Variants in FOXK1 observed in about 807,000 individuals in gnomAD.
The protein encoded by FOXK1 is forkhead box K1, also known as forkhead box protein K1.
In FOXK1, 19 loss-of-function variants were observed where a neutral mutation model predicts 51.9. The ratio of observed to expected loss-of-function variants is 0.37; its 90% CI spans 0.26 to 0.54. The LOEUF (loss-of-function observed/expected upper bound fraction) is 0.54. Ranked by LOEUF, FOXK1 falls within the 20% of genes least tolerant of loss-of-function variation. The pLI is 0.87. For missense variants in FOXK1, 870 were observed against 1,032.7 expected, an observed-to-expected ratio of 0.84 and a Z score of 2.16; for synonymous variants, 537 against 482.6, an observed-to-expected ratio of 1.11 and a Z score of -1.48.
At position 4,757,151 on chromosome 7, in the gene FOXK1, C is replaced by T; in HGVS notation, c.1208C>T (p.Ser403Phe). The change falls in exon 5 of 9, where the codon TCC (serine) becomes TTC (phenylalanine). Residue 403 changes from serine (S) to phenylalanine (F), a missense_variant. Coordinates refer to ENST00000328914, the MANE Select transcript of FOXK1 (RefSeq NM_001037165.2). ...CGGAAACGGAGGCAGAGGGGTGTCTCCTGCTTCCGCACCCCCTTCGGGCCT... is the reference window on the plus strand; with the variant it reads ...CGGAAACGGAGGCAGAGGGGTGTCTTCTGCTTCCGCACCCCCTTCGGGCCT... ...AFRKRRQRGV[S>F]CFRTPFGPLS... 6.2e-7 allele frequency: 1 copy of T among 1,612,344 alleles called. No homozygotes were observed. The highest frequency in any genetic ancestry group is 8.5e-7 in the Non-Finnish European group (1 of 1,179,736).
In FOXK1 at chr7:4,711,038, TTTAGAGAACGC is replaced by T. The variant is rs141232392; in HGVS notation, c.560+28179_560+28189del. On this transcript the variant is annotated intron_variant, in intron 1 of 8. Transcript: ENST00000328914. This position sits in a 1 kb window ranked among gnomAD's most constrained non-coding sequence, Gnocchi z 6.3. ...TCACGGAGTTGCAGAGCAGCCTGGCTTTAGAGAACGCTTAGAGAAGATGGAGATGGATGGAG... is the reference window on the plus strand; with the variant it reads ...TCACGGAGTTGCAGAGCAGCCTGGCTTTAGAGAAGATGGAGATGGATGGAG... Among the ~76,000 whole-genome samples, 1,654 of 152,260 alleles carry T rather than the reference TTTAGAGAACGC, an allele frequency of 0.011. 34 individuals carry two copies. Among genetic ancestry groups the T allele is most frequent in the African/African-American group, 0.038 (1,563 of 41,540 alleles).
chr7:4,694,879 C>G (rs970489901), intron 1 of FOXK1, among the ~76,000 whole-genome samples: 3 of 152,186 alleles, frequency 2.0e-5, no homozygotes, highest in African/African-American at 7.2e-5. Flanking sequence ...GTCTACCTTC[C>G]CAGAAATACA....
chr7:4,763,728 G>A lies in FOXK1; in HGVS notation c.*1264G>A, dbSNP rs1344281644. On this transcript the variant is annotated 3_prime_UTR_variant, in exon 9 of 9. Transcript: ENST00000328914. ...CTGCACTTCCATTAAGACAGCCAGTGGTTCCTGGATCTTTGTCACCAAGCA... is the reference window on the plus strand; with the variant it reads ...CTGCACTTCCATTAAGACAGCCAGTAGTTCCTGGATCTTTGTCACCAAGCA... 1 of 152,340 alleles carries A rather than the reference G, an allele frequency of 6.6e-6. No individual in the cohort carries two copies. The highest frequency in any genetic ancestry group is 1.5e-5 in the Non-Finnish European group (1 of 68,124). The allele number at this position is 152,340 out of a possible 1,614,324, so 9.4% of individuals were successfully genotyped here.
intron 2 of FOXK1, among the ~76,000 whole-genome samples, chr7:4,742,126 G>A (rs572509833): frequency 2.6e-5 from 4 of 152,380 alleles, no homozygotes; most frequent in East Asian, 1.9e-4. Context: ...CAGTTTCTGC[G>A]TCGCTCGCGC....
intron 3 of FOXK1, chr7:4,754,932 C>G: frequency 1.8e-6 from 1 of 554,348 alleles, no homozygotes; most frequent in Non-Finnish European, 3.2e-6. Flanking sequence ...GGATGGCGTT[C>G]TCCTTATAAC....
chr7:4,759,372 G>A lies in FOXK1; in HGVS notation c.1473G>A (p.Val491=). Residue 491 remains valine, a synonymous_variant, in exon 7 of 9, where the codon GTG becomes GTA. Coordinates refer to ENST00000328914, the MANE Select transcript of FOXK1 (RefSeq NM_001037165.2). The part of the protein sequence containing the change: ...MAVPPRPSSL[V]AKPVAYMPAS... The stretch of plus-strand genomic sequence containing the variant: ...TGCCTCCCCGACCGTCCAGCCTCGT[G>A]GCCAAGCCCGTGGCCTACATGCCCG... 1.2e-6 allele frequency: 2 copies of A among 1,602,464 alleles called. No individual in the cohort carries two copies. Among genetic ancestry groups the A allele is most frequent in the Non-Finnish European group, 1.7e-6 (2 of 1,179,278 alleles).
chr7:4,733,632 G>A lies in FOXK1; in HGVS notation c.561-7206G>A, dbSNP rs576421566. On this transcript the variant is annotated intron_variant, in intron 1 of 8. Coordinates refer to ENST00000328914, the MANE Select transcript of FOXK1 (RefSeq NM_001037165.2). This position sits in a 1 kb window ranked among gnomAD's most constrained non-coding sequence, Gnocchi z 5.0. ...GTCTCCATGTTTGCTATAGAAGCAG[G>A]AGAGAAGGTGCTCTGGGAACTACAG... Among the ~76,000 whole-genome samples the A allele has an allele frequency of 2.0e-5, 3 of 152,370 alleles. No individual in the cohort carries two copies. Among genetic ancestry groups the A allele is most frequent in the Admixed American group, 2.0e-4 (3 of 15,310 alleles).
Position 4,740,933 on chromosome 7 carries a change from AC to A in FOXK1, c.661del (p.Gln221ArgfsTer5). ...CCAGCCTCCCCGCTGCGGCCACTGT[AC>A]CCCCAGATCTCCCCTCTGAAGATCC... ...EAPASPLRPLYPQISPLKIHI... is the reference protein window; with the variant it reads ...EAPASPLRPLXPQISPLKIHI... On this transcript the variant is annotated frameshift_variant, in exon 2 of 9. Transcript: ENST00000328914. LOFTEE classifies it high-confidence loss of function. 6.3e-7 allele frequency: 1 copy of A among 1,584,456 alleles called. No individual in the cohort carries two copies. Among genetic ancestry groups the A allele is most frequent in the African/African-American group, 1.4e-5 (1 of 72,810 alleles).
intron 1 of FOXK1, among the ~76,000 whole-genome samples, chr7:4,688,411 T>A (rs1023820745): frequency 1.3e-5 from 2 of 151,956 alleles, no homozygotes; most frequent in African/African-American, 4.8e-5. Flanking sequence ...TTATTTTTAT[T>A]TTTTTTTGAG....
chr7:4,691,093 A>T (rs1326684495), intron 1 of FOXK1, among the ~76,000 whole-genome samples: 1 of 152,128 alleles, frequency 6.6e-6, no homozygotes, highest in South Asian at 2.1e-4. Context: ...AGGATAAAAA[A>T]CAGAATGTGC....
chr7:4,732,064 G>A (rs1326650627), intron 1 of FOXK1, among the ~76,000 whole-genome samples: 1 of 152,142 alleles, frequency 6.6e-6, no homozygotes, highest in South Asian at 2.1e-4. Context: ...CTCCCTTGCC[G>A]TGAGCCGCTG....
Position 4,707,636 on chromosome 7 carries a change from C to G in FOXK1, c.560+24768C>G, listed in dbSNP as rs1780119041. Among the ~76,000 whole-genome samples, 1 of 152,008 alleles carries G rather than the reference C, an allele frequency of 6.6e-6. No individual in the cohort carries two copies. The highest frequency in any genetic ancestry group is 2.4e-5 in the African/African-American group (1 of 41,378). On this transcript the variant is annotated intron_variant, in intron 1 of 8. Transcript: ENST00000328914. This position sits in a 1 kb window ranked among gnomAD's most constrained non-coding sequence, Gnocchi z 4.1. ...ACTGGGTCTTTGCAGTTGGCGTGTT[C>G]CCCGGTGCCATTCGTATCTGATTCA...
In FOXK1 at chr7:4,682,758, G is replaced by T. The variant is rs111746860; in HGVS notation, c.450G>T (p.Gln150His). Residue 150 changes from glutamine (Q) to histidine (H), a missense_variant, in exon 1 of 9, where the codon CAG (glutamine) becomes CAT (histidine). This residue lies in a region of FOXK1 where 399 missense variants were observed against 475.6 expected (regional missense o/e 0.84). Coordinates refer to ENST00000328914, the MANE Select transcript of FOXK1 (RefSeq NM_001037165.2). The surrounding 1 kb of genome is among the most constrained non-coding windows in gnomAD (Gnocchi z 7.6). ...GCTTCATCTCGCGGCGCCACCTGCA[G>T]CTCAGCTTCCAGGAGCCGCACTTCT... ...LSSFISRRHL[Q>H]LSFQEPHFYL... The T allele has an allele frequency of 1.9e-6, 3 of 1,599,236 alleles. No homozygotes were observed. Among genetic ancestry groups the T allele is most frequent in the African/African-American group, 2.7e-5 (2 of 74,280 alleles).
At chr7:4,728,962 C>T (rs967655669) in intron 1 of FOXK1, among the ~76,000 whole-genome samples, 27 of 152,160 alleles carry the variant, frequency 1.8e-4, no homozygotes, top group African/African-American at 6.5e-4. Flanking sequence ...ATTTTGAGAT[C>T]TGCAGATTAA....
At chr7:4,714,404 G>T (rs529775347) in intron 1 of FOXK1, among the ~76,000 whole-genome samples, 10 of 152,074 alleles carry the variant, frequency 6.6e-5, no homozygotes, top group African/African-American at 2.2e-4. Context: ...TCAGCCTCCC[G>T]AGTAGCTGGG....
At position 4,770,454 on chromosome 7, in the gene FOXK1, C is replaced by T. The variant is rs1293914592; in HGVS notation, c.*7990C>T. On this transcript the variant is annotated 3_prime_UTR_variant, in exon 9 of 9. Transcript: ENST00000328914. Reference sequence around the variant, plus strand: ...GCTGAGGCATGAGAATCGCTTGAACCTGGGAGATGGAGGTTGCAGTGAGCC... The same window carrying T: ...GCTGAGGCATGAGAATCGCTTGAACTTGGGAGATGGAGGTTGCAGTGAGCC... The T allele has an allele frequency of 6.6e-6, 1 of 152,260 alleles. No individual in the cohort carries two copies. The highest frequency in any genetic ancestry group is 1.5e-5 in the Non-Finnish European group (1 of 68,074). 9.4% of individuals were successfully genotyped at this position (152,260 alleles called of 1,614,324 possible).
intron 1 of FOXK1, among the ~76,000 whole-genome samples, chr7:4,700,945 C>G (rs1780013394): frequency 6.6e-6 from 1 of 152,216 alleles, no homozygotes; most frequent in Non-Finnish European, 1.5e-5. Context: ...TATTATTCAT[C>G]CTGTGATGTC....
Position 4,762,494 on chromosome 7 carries a change from C to T in FOXK1, c.*30C>T, listed in dbSNP as rs1231258074. The T allele has an allele frequency of 1.3e-6, 2 of 1,519,010 alleles. No homozygotes were observed. Among genetic ancestry groups the T allele is most frequent in the South Asian group, 1.2e-5 (1 of 82,422 alleles). 94.1% of individuals were successfully genotyped at this position (1,519,010 alleles called of 1,614,324 possible). On this transcript the variant is annotated 3_prime_UTR_variant, in exon 9 of 9. Coordinates refer to ENST00000328914, the MANE Select transcript of FOXK1 (RefSeq NM_001037165.2). The surrounding 1 kb of genome is among the most constrained non-coding windows in gnomAD (Gnocchi z 5.7). The stretch of plus-strand genomic sequence containing the variant: ...ACCTGCAACGCGGGGGAGTGGGACT[C>T]ACCCAGCGGCGACCCCGAAGCTGGA...
intron 1 of FOXK1, among the ~76,000 whole-genome samples, chr7:4,690,986 C>T (rs1288487133): frequency 6.6e-6 from 1 of 152,144 alleles, no homozygotes; most frequent in Non-Finnish European, 1.5e-5. Flanking sequence ...GCCCCTGCAT[C>T]GTGACTTGTT....
Sources: gnomAD v4.1 joint callset for allele counts (sites outside exome capture counted in the v4.1 genomes callset) on GRCh38, gnomAD v4.1.1 for gene constraint, gnomAD v4.1.1 regional missense constraint, Gnocchi (gnomAD v3.1) non-coding constraint, MANE v1.5 for transcripts, NCBI Gene and HGNC (gene_info 2026-07-23, HGNC 2026-07-21) for gene names.